The following ABCA13 variants were observed in gnomAD, a reference collection of about 807,000 sequenced individuals.
ABCA13 encodes ATP binding cassette subfamily A member 13.
In ABCA13, 476 loss-of-function variants were observed where a neutral mutation model predicts 478.7. That is an observed-to-expected ratio of 0.99 (90% CI 0.92 to 1.07). The LOEUF is 1.07. ABCA13 is among the 50% of genes least tolerant of loss of function. The probability of loss-of-function intolerance (pLI) is 0.00; values close to 1 mark genes in which losing one functional copy is unlikely to be tolerated. For synonymous variants in ABCA13, 2,252 were observed against 2,158.9 expected, an observed-to-expected ratio of 1.04 and a Z score of -1.20; for missense variants, 6,060 against 5,910.6, an observed-to-expected ratio of 1.03 and a Z score of -0.83.
intron 57 of ABCA13, among the ~76,000 whole-genome samples, chr7:48,594,234 G>A (rs1790053152): frequency 6.6e-6 from 1 of 151,826 alleles, no homozygotes; most frequent in Admixed American, 6.6e-5. Flanking sequence ...ACCCTGTCAG[G>A]CTTTCTTTGT....
At chr7:48,209,809 A>C (rs1011432948) in intron 3 of ABCA13, among the ~76,000 whole-genome samples, 3 of 152,126 alleles carry the variant, frequency 2.0e-5, no homozygotes, top group Non-Finnish European at 4.4e-5. Context: ...GATCCTTTGA[A>C]TCTTTGTGGC....
chr7:48,592,920 A>G (rs1466772490), intron 57 of ABCA13, among the ~76,000 whole-genome samples: 1 of 151,946 alleles, frequency 6.6e-6, no homozygotes, highest in East Asian at 1.9e-4. Flanking sequence ...TGCTTGGAGT[A>G]TCTTTACCTA....
rs1484340886 is a variant in ABCA13, at chr7:48,245,605, T to G, written c.1484T>G (p.Leu495Arg). 1.2e-6 allele frequency: 2 copies of G among 1,609,752 alleles called. No homozygotes were observed. ...GAAAAGGATGTGTTCTTTTGGGAGC[T>G]GAAACAGGTAAAGCACAACAAATAA... is the stretch of plus-strand genomic sequence containing the variant. ...KLEKDVFFWE[L>R]KQMLAKNAVC... Residue 495 changes from leucine (L) to arginine (R), a missense_variant, in exon 12 of 62, where the codon CTG becomes CGG. This residue lies in a region of ABCA13 where 4,423 missense variants were observed against 4,309.1 expected (regional missense o/e 1.03). Coordinates refer to ENST00000435803, the MANE Select transcript of ABCA13 (RefSeq NM_152701.5).
intron 3 of ABCA13, among the ~76,000 whole-genome samples, chr7:48,203,350 G>C (rs1289832811): frequency 6.6e-6 from 1 of 152,242 alleles, no homozygotes; most frequent in Non-Finnish European, 1.5e-5. Context: ...GGCCAGCCCA[G>C]AAAGGGACTC....
intron 59 of ABCA13, among the ~76,000 whole-genome samples, chr7:48,617,580 C>T (rs1391339417): frequency 6.6e-6 from 1 of 152,080 alleles, no homozygotes; most frequent in African/African-American, 2.4e-5. Context: ...ACCCAGAGGG[C>T]AGGGCTTGGG....
chr7:48,241,111 C>G, intron 10 of ABCA13, 45 bp downstream of exon 10: 1 of 1,602,022 alleles, frequency 6.2e-7, no homozygotes, highest in Non-Finnish European at 8.5e-7. Context: ...GTAGATGACA[C>G]AGAATGTTAA....
At position 48,412,573 on chromosome 7, in the gene ABCA13, C is replaced by T. The variant is rs1182141287; in HGVS notation, c.12449C>T (p.Thr4150Ile). The stretch of plus-strand genomic sequence containing the variant: ...ACGGGCTATGGGATCTCAGACACCA[C>T]CTTAGAAGAGGTACTGAGAAAACTG... The part of the protein sequence containing the change: ...HLTGYGISDT[T>I]LEEVFLMLLQ... The change falls in exon 41 of 62, where the codon ACC becomes ATC. Residue 4150 changes from threonine (T) to isoleucine (I), a missense_variant. This residue lies in a region of ABCA13 where 1,627 missense variants were observed against 1,571.0 expected (regional missense o/e 1.04). Transcript: ENST00000435803. The T allele has an allele frequency of 1.9e-6, 3 of 1,603,168 alleles. No homozygotes were observed. The highest frequency in any genetic ancestry group is 1.1e-5 in the South Asian group (1 of 89,798).
At chr7:48,405,499 A>T (rs1433501) in intron 39 of ABCA13, among the ~76,000 whole-genome samples, 17,684 of 152,300 alleles carry the variant, frequency 0.12, 1,213 homozygotes, top group Admixed American at 0.19. Context: ...CCACTTCAAA[A>T]GATTGATTAA....
At chr7:48,601,082 C>A (rs973667133) in intron 58 of ABCA13, among the ~76,000 whole-genome samples, 2 of 151,890 alleles carry the variant, frequency 1.3e-5, no homozygotes, top group Non-Finnish European at 2.9e-5. Flanking sequence ...GACTCCTCTG[C>A]CATTTTGAAT....
chr7:48,476,668 A>G (rs917663783), intron 45 of ABCA13, among the ~76,000 whole-genome samples: 1 of 152,182 alleles, frequency 6.6e-6, no homozygotes, highest in Non-Finnish European at 1.5e-5. Flanking sequence ...TCTTGTAGTT[A>G]GTCTTCAGCC....
intron 27 of ABCA13, among the ~76,000 whole-genome samples, chr7:48,331,195 A>C (rs1584884674): frequency 6.6e-6 from 1 of 152,244 alleles, no homozygotes; most frequent in Non-Finnish European, 1.5e-5. Context: ...ATCTTAAAAG[A>C]AAGAATAGCT....
chr7:48,592,994 A>G (rs142491086), intron 57 of ABCA13, among the ~76,000 whole-genome samples: 145 of 152,088 alleles, frequency 9.5e-4, no homozygotes, highest in African/African-American at 3.3e-3. Flanking sequence ...AAACAGCATA[A>G]GATTGGATCT....
chr7:48,602,234 A>G (rs912447476), intron 58 of ABCA13, among the ~76,000 whole-genome samples: 2 of 151,982 alleles, frequency 1.3e-5, no homozygotes, highest in East Asian at 3.9e-4. Context: ...TTAATTAGAT[A>G]CCATTTGTCA....
chr7:48,576,734 T>G (rs1470917540), intron 55 of ABCA13, among the ~76,000 whole-genome samples: 1 of 151,440 alleles, frequency 6.6e-6, no homozygotes, highest in African/African-American at 2.4e-5. Flanking sequence ...CAAAGACAAC[T>G]GGGTATAAAC....
Position 48,241,033 on chromosome 7 carries a change from A to T in ABCA13, c.1229A>T (p.Asp410Val). ...CTGCTGAATGACAGCTTGTCAGCAG[A>T]TGGCCCAAAAGATAATCATACATTT... ...LLLLNDSLSADGPKDNHTFPK... is the reference protein window; with the variant it reads ...LLLLNDSLSAVGPKDNHTFPK... The change falls in exon 10 of 62, where the codon GAT becomes GTT. Residue 410 changes from aspartate (D) to valine (V), a missense_variant. Asp to Val is a radical substitution (Grantham distance 152). Coordinates refer to ENST00000435803, the MANE Select transcript of ABCA13 (RefSeq NM_152701.5). 6.2e-7 allele frequency: 1 copy of T among 1,614,060 alleles called. No homozygotes were observed. Among genetic ancestry groups the T allele is most frequent in the Non-Finnish European group, 8.5e-7 (1 of 1,179,892 alleles).
chr7:48,405,941 A>G (rs1818207350), intron 39 of ABCA13, among the ~76,000 whole-genome samples: 1 of 152,210 alleles, frequency 6.6e-6, no homozygotes, highest in Non-Finnish European at 1.5e-5. Context: ...GATAGGCGGT[A>G]TTGGAAGAAA....
chr7:48,337,629 A>G (rs986293058), intron 28 of ABCA13, among the ~76,000 whole-genome samples: 1 of 152,240 alleles, frequency 6.6e-6, no homozygotes, highest in African/African-American at 2.4e-5. Flanking sequence ...GGCAAATTCC[A>G]AAATTAATTC....
chr7:48,552,710 G>A (rs4551288), intron 55 of ABCA13, among the ~76,000 whole-genome samples: 110,615 of 150,948 alleles, frequency 0.73, 42,151 homozygotes, highest in African/African-American at 0.91. Flanking sequence ...GGTACATAAG[G>A]GTTATATATA....
At chr7:48,335,621 TAC>T in intron 28 of ABCA13, 86 bp downstream of exon 28, 1 of 993,712 alleles carries the variant, frequency 1.0e-6, no homozygotes, top group Non-Finnish European at 1.5e-6. Context: ...TAGAAGATTC[TAC>T]AGAGTCACAT....
Sources: allele counts gnomAD v4.1 joint callset (sites outside exome capture counted in the v4.1 genomes callset), GRCh38; gene constraint gnomAD v4.1.1; regional missense constraint gnomAD v4.1.1; transcripts MANE v1.5; gene names NCBI Gene and HGNC (gene_info 2026-07-23, HGNC 2026-07-21).